ERBIN: variants seen among roughly 807,000 people sequenced by gnomAD.
ERBIN encodes densin-180-like protein.
Under a neutral mutation model 158.4 loss-of-function variants are expected in ERBIN, and 60 were observed. The observed-to-expected ratio is 0.38, with a 90% CI of 0.31 to 0.47. The LOEUF is 0.47. Ranked by LOEUF, ERBIN falls within the 20% of genes least tolerant of loss-of-function variation. The pLI, the probability that ERBIN is intolerant of heterozygous loss-of-function variation, is 0.99. For missense variants in ERBIN, 1,610 were observed against 1,648.0 expected, an observed-to-expected ratio of 0.98 and a Z score of 0.40; for synonymous variants, 594 against 557.2, an observed-to-expected ratio of 1.07 and a Z score of -0.93.
At chr5:66,000,686 C>A (rs1026905852) in intron 4 of ERBIN, among the ~76,000 whole-genome samples, 3 of 152,094 alleles carry the variant, frequency 2.0e-5, no homozygotes, top group Non-Finnish European at 2.9e-5. Context: ...ATAGAAGGGA[C>A]CACATCTATT....
intron 2 of ERBIN, among the ~76,000 whole-genome samples, chr5:65,989,392 C>T (rs1751617769): frequency 6.6e-6 from 1 of 152,140 alleles, no homozygotes; most frequent in South Asian, 2.1e-4. Context: ...ATATTGGCAC[C>T]AGGCCCACTG....
Position 65,966,680 on chromosome 5 carries a change from CAAAAAAAAAAAAAA to C in ERBIN, c.-57-21939_-57-21926del, listed in dbSNP as rs70987105. On this transcript the variant is annotated intron_variant, in intron 1 of 25. Coordinates refer to ENST00000284037, the MANE Select transcript of ERBIN (RefSeq NM_001253697.2). ...GGGCAACAAGAGTGAAACTCTGTCT[CAAAAAAAAAAAAAA>C]AAAAAAAAAAAAAAAGGTAACTGTA... Among the ~76,000 whole-genome samples, 157 of 50,150 alleles carry C rather than the reference CAAAAAAAAAAAAAA, an allele frequency of 3.1e-3. 1 individual carries two copies. Among genetic ancestry groups the C allele is most frequent in the Middle Eastern group, 0.022 (1 of 46 alleles). 32.9% of individuals were successfully genotyped at this position (50,150 alleles called of 152,430 possible). A position where few individuals can be genotyped will look rare whatever the true frequency, so the allele number is the denominator to read the frequency against.
chr5:66,037,555 G>A (rs1477950411), intron 14 of ERBIN, among the ~76,000 whole-genome samples: 2 of 152,088 alleles, frequency 1.3e-5, no homozygotes, highest in African/African-American at 4.8e-5. Context: ...GTTTGCTGAG[G>A]AACAGAAAGG....
chr5:66,060,330 G>C lies in ERBIN; in HGVS notation c.3633+5379G>C, dbSNP rs572900454. ...AGATTTTCTAGTTTATTTGCGTAGA[G>C]GTGTTTTTAGTTTTCTCTGATGGTA... On this transcript the variant is annotated intron_variant, in intron 21 of 25. Coordinates refer to ENST00000284037, the MANE Select transcript of ERBIN (RefSeq NM_001253697.2). Among the ~76,000 whole-genome samples, 326 of 152,306 alleles carry C rather than the reference G, an allele frequency of 2.1e-3. 2 individuals are homozygous for C. Among genetic ancestry groups the C allele is most frequent in the African/African-American group, 7.7e-3 (320 of 41,580 alleles).
At position 66,023,316 on chromosome 5, in the gene ERBIN, A is replaced by T; in HGVS notation, c.624A>T (p.Gly208=). ...EVPEVLEQLS[G]LKEFWMDANR... is the part of the protein sequence containing the mutation. ...CTGAAGTACTTGAGCAACTAAGTGG[A>T]TTGAAAGAGTTTTGGATGGATGCTA... The change falls in exon 9 of 26, where the codon GGA becomes GGT. Residue 208 remains glycine (G), a synonymous_variant. Transcript: ENST00000284037. The T allele has an allele frequency of 6.2e-7, 1 of 1,613,262 alleles. No homozygotes were observed. Among genetic ancestry groups the T allele is most frequent in the Non-Finnish European group, 8.5e-7 (1 of 1,179,444 alleles).
chr5:65,986,348 A>G (rs1351150165), intron 1 of ERBIN, among the ~76,000 whole-genome samples: 1 of 152,224 alleles, frequency 6.6e-6, no homozygotes, highest in Non-Finnish European at 1.5e-5. Flanking sequence ...GCTCCGTTCC[A>G]CCAGACTGTC....
chr5:65,981,075 A>G (rs1350973439), intron 1 of ERBIN, among the ~76,000 whole-genome samples: 1 of 152,234 alleles, frequency 6.6e-6, no homozygotes, highest in Non-Finnish European at 1.5e-5. Flanking sequence ...AAGGCTTGAA[A>G]TGATAGTACT....
chr5:65,966,792 G>A (rs6880204), intron 1 of ERBIN, among the ~76,000 whole-genome samples: 6,091 of 151,576 alleles, frequency 0.04, 415 homozygotes, highest in African/African-American at 0.14. Context: ...TGACAGTTCC[G>A]GTTGTGTTGT....
At chr5:65,966,349 A>T (rs6875064) in intron 1 of ERBIN, among the ~76,000 whole-genome samples, 6,112 of 152,256 alleles carry the variant, frequency 0.04, 417 homozygotes, top group African/African-American at 0.14. Context: ...TGTATTTAGT[A>T]TATGATAACT....
intron 1 of ERBIN, among the ~76,000 whole-genome samples, chr5:65,965,214 G>C (rs1451986263): frequency 7.8e-6 from 1 of 128,454 alleles, no homozygotes; most frequent in Non-Finnish European, 1.7e-5. Flanking sequence ...TGGGTACTTG[G>C]TCTGTTTGGG....
At chr5:66,069,936 C>G (rs1352543186) in intron 21 of ERBIN, among the ~76,000 whole-genome samples, 1 of 152,166 alleles carries the variant, frequency 6.6e-6, no homozygotes, top group Non-Finnish European at 1.5e-5. Flanking sequence ...TGTACCTGAC[C>G]TAGACGTATG....
At chr5:65,943,951 T>A (rs749512192) in intron 1 of ERBIN, among the ~76,000 whole-genome samples, 1 of 152,222 alleles carries the variant, frequency 6.6e-6, no homozygotes, top group African/African-American at 2.4e-5. Context: ...GTCCTCAAGG[T>A]TCATCTGTGT....
Position 66,081,460 on chromosome 5 carries a change from A to G in ERBIN, c.*2930A>G, listed in dbSNP as rs1365926006. 2 of 152,108 alleles carry G rather than the reference A, an allele frequency of 1.3e-5. No individual in the cohort carries two copies. The highest frequency in any genetic ancestry group is 2.9e-5 in the Non-Finnish European group (2 of 67,942). 9.4% of individuals were successfully genotyped at this position (152,108 alleles called of 1,614,324 possible). A position where few individuals can be genotyped will look rare whatever the true frequency, so the allele number is the denominator to read the frequency against. The stretch of plus-strand genomic sequence containing the variant: ...TAAAAAATCCCATTAGCAGCTATGT[A>G]ATATTTTTATCAACCAACATTTATT... On this transcript the variant is annotated 3_prime_UTR_variant, in exon 26 of 26. Coordinates refer to ENST00000284037, the MANE Select transcript of ERBIN (RefSeq NM_001253697.2).
chr5:66,038,287 T>C, intron 14 of ERBIN, 96 bp from the exon 15 acceptor site: 2 of 675,696 alleles, frequency 3.0e-6, no homozygotes, highest in South Asian at 4.6e-5. Context: ...CATTGATACT[T>C]TATAGAAAAA....
Position 65,974,603 on chromosome 5 carries a change from G to C in ERBIN, c.-57-14032G>C, listed in dbSNP as rs530308387. ...TTCCATCCCCATCTTAACTCTTCCT[G>C]CTCCTGTAGGTCATTCTCTAGACAG... is the stretch of plus-strand genomic sequence containing the variant. On this transcript the variant is annotated intron_variant, in intron 1 of 25. Transcript: ENST00000284037. Among the ~76,000 whole-genome samples the C allele has an allele frequency of 3.9e-5, 6 of 152,270 alleles. No individual in the cohort carries two copies. The East Asian group carries it at 9.6e-4, about 24-fold the overall frequency.
chr5:66,043,009 T>C (rs1276026342), intron 15 of ERBIN, 68 bp from the exon 16 acceptor site: 13 of 1,209,072 alleles, frequency 1.1e-5, no homozygotes, highest in Non-Finnish European at 1.4e-5. Flanking sequence ...ACAGAAATTA[T>C]GAGCAAGTGA....
At chr5:66,036,431 G>A (rs1757402812) in intron 14 of ERBIN, among the ~76,000 whole-genome samples, 1 of 152,028 alleles carries the variant, frequency 6.6e-6, no homozygotes, top group Admixed American at 6.6e-5. Context: ...TGCTTTCTTG[G>A]AACATTCTTC....
chr5:66,044,408 A>AT, intron 17 of ERBIN, 98 bp downstream of exon 17: 4 of 1,088,740 alleles, frequency 3.7e-6, no homozygotes, highest in Non-Finnish European at 5.2e-6. Flanking sequence ...CTGAATGTGC[A>AT]GTCATGCACC....
chr5:65,947,979 C>G (rs1745988515), intron 1 of ERBIN, among the ~76,000 whole-genome samples: 1 of 146,260 alleles, frequency 6.8e-6, no homozygotes, highest in African/African-American at 2.5e-5. Flanking sequence ...CATTCCACTC[C>G]AGCCTGGGCA....
Sources: gnomAD v4.1 joint callset for allele counts (sites outside exome capture counted in the v4.1 genomes callset) on GRCh38, gnomAD v4.1.1 for gene constraint, MANE v1.5 for transcripts, NCBI Gene and HGNC (gene_info 2026-07-23, HGNC 2026-07-21) for gene names.